The following ATF2 variants were observed in gnomAD, a reference collection of about 807,000 sequenced individuals.
The protein encoded by ATF2 is cyclic AMP-dependent transcription factor ATF-2.
A neutral mutation model predicts 60.6 loss-of-function variants in ATF2; 24 were observed. That is an observed-to-expected ratio of 0.40 (90% confidence interval 0.29 to 0.56). The LOEUF (loss-of-function observed/expected upper bound fraction) is 0.56. Ranked by LOEUF, ATF2 falls within the 20% of genes least tolerant of loss-of-function variation. The pLI, the probability that ATF2 is intolerant of heterozygous loss-of-function variation, is 0.54. For synonymous variants in ATF2, 206 were observed against 215.4 expected (o/e 0.96, Z 0.38); for missense variants, 433 against 607.7 (o/e 0.71, Z 3.02).
chr2:175,077,121 A>G (rs566391860), intron 13 of ATF2, among the ~76,000 whole-genome samples: 11 of 152,140 alleles, frequency 7.2e-5, no homozygotes, highest in Non-Finnish European at 1.5e-4. Flanking sequence ...TACAAAGGAC[A>G]TGAACTCATC....
intron 1 of ATF2, among the ~76,000 whole-genome samples, chr2:175,164,095 T>C (rs1700202962): frequency 1.3e-5 from 2 of 149,530 alleles, no homozygotes; most frequent in Admixed American, 1.3e-4. Flanking sequence ...GGCTCATGCC[T>C]GTAATGCCTT....
chr2:175,105,143 C>T lies in ATF2; in HGVS notation c.828+6425G>A, dbSNP rs545710368. On this transcript the variant is annotated intron_variant, in intron 10 of 13. Transcript: ENST00000264110. ...AGCGTGTTTAAGATTATATTTTAAG[C>T]TCTTTAAAAGCAATCATTACATAAC... Among the ~76,000 whole-genome samples, 44 of 152,232 alleles carry T rather than the reference C, an allele frequency of 2.9e-4. No homozygotes were observed. The South Asian group carries it at 8.7e-3, about 30-fold the overall frequency.
At chr2:175,107,689 C>A (rs1227278492) in intron 10 of ATF2, among the ~76,000 whole-genome samples, 3 of 152,228 alleles carry the variant, frequency 2.0e-5, no homozygotes, top group African/African-American at 7.2e-5. Flanking sequence ...CCACAGCAGG[C>A]CGAGTGCCTG....
intron 3 of ATF2, 23 bp downstream of exon 3, chr2:175,136,389 A>C (rs1698145180): frequency 6.2e-7 from 1 of 1,606,626 alleles, no homozygotes; most frequent in Non-Finnish European, 8.5e-7. Context: ...AATGGCTAAA[A>C]ATACCAAATA....
At chr2:175,146,720 T>A (rs2105799894) in intron 2 of ATF2, among the ~76,000 whole-genome samples, 1 of 152,276 alleles carries the variant, frequency 6.6e-6, no homozygotes, top group East Asian at 1.9e-4. Flanking sequence ...ATCTTCTTGC[T>A]CCATCCCACC....
intron 9 of ATF2, 126 bp downstream of exon 9, chr2:175,113,868 A>G (rs1696371879): frequency 1.2e-6 from 1 of 842,860 alleles, no homozygotes; most frequent in Non-Finnish European, 1.9e-6. Context: ...TAACAAATAA[A>G]TACTATCAAC....
At chr2:175,082,421 A>G (rs1693826901) in intron 12 of ATF2, among the ~76,000 whole-genome samples, 1 of 152,218 alleles carries the variant, frequency 6.6e-6, no homozygotes, top group African/African-American at 2.4e-5. Flanking sequence ...TGCTAATTAT[A>G]GTTCAGTATA....
chr2:175,119,134 AG>A (rs1316390311), intron 5 of ATF2, among the ~76,000 whole-genome samples: 7 of 151,818 alleles, frequency 4.6e-5, no homozygotes, highest in South Asian at 2.1e-4. Flanking sequence ...GTCCATGTAT[AG>A]GCTACAAAAA....
At chr2:175,105,209 G>A (rs148896591) in intron 10 of ATF2, among the ~76,000 whole-genome samples, 210 of 151,926 alleles carry the variant, frequency 1.4e-3, no homozygotes, top group African/African-American at 4.8e-3. Context: ...AAAGCACTAG[G>A]TTTTTAAACT....
At chr2:175,102,525 A>C (rs968498442) in intron 10 of ATF2, among the ~76,000 whole-genome samples, 1 of 152,146 alleles carries the variant, frequency 6.6e-6, no homozygotes, top group African/African-American at 2.4e-5. Context: ...TAATCTCAGC[A>C]CTTTGGGAGG....
intron 7 of ATF2, 139 bp downstream of exon 7, chr2:175,117,851 G>T: frequency 1.1e-6 from 1 of 906,176 alleles, no homozygotes; most frequent in Non-Finnish European, 1.5e-6. Context: ...AAATATCTGA[G>T]TATTGACAGG....
intron 10 of ATF2, among the ~76,000 whole-genome samples, chr2:175,102,509 T>C (rs1145063): frequency 0.1 from 15,580 of 152,208 alleles, 921 homozygotes; most frequent in Middle Eastern, 0.18. Flanking sequence ...TGATGGCTTA[T>C]GCCTGTAATC....
At chr2:175,131,426 T>G (rs1310040972) in intron 3 of ATF2, among the ~76,000 whole-genome samples, 1 of 152,190 alleles carries the variant, frequency 6.6e-6, no homozygotes, top group Non-Finnish European at 1.5e-5. Flanking sequence ...AGGCAGACAC[T>G]GAGAATCACA....
In ATF2 at chr2:175,167,321, T is replaced by TA. The variant is rs746267570; in HGVS notation, c.-143+728dup. ...ACGCTCTGCTGTCCACCCAGAGATT[T>TA]AAAAAAAAAAAAATAAGGGAAAATA... On this transcript the variant is annotated intron_variant, in intron 1 of 13. Coordinates refer to ENST00000264110, the MANE Select transcript of ATF2 (RefSeq NM_001880.4). Among the ~76,000 whole-genome samples, 1,011 of 144,062 alleles carry TA rather than the reference T, an allele frequency of 7.0e-3. 8 individuals carry two copies. Among genetic ancestry groups the TA allele is most frequent in the African/African-American group, 0.019 (731 of 39,350 alleles). 94.5% of individuals were successfully genotyped at this position (144,062 alleles called of 152,430 possible). A position where few individuals can be genotyped will look rare whatever the true frequency, so the allele number is the denominator to read the frequency against.
intron 8 of ATF2, chr2:175,114,448 G>C: frequency 8.0e-7 from 1 of 1,248,936 alleles, no homozygotes; most frequent in Non-Finnish European, 1.0e-6. Context: ...GTGTGAAATA[G>C]CATGAAAATA....
At chr2:175,101,070 A>T (rs1191185353) in intron 10 of ATF2, among the ~76,000 whole-genome samples, 5 of 152,222 alleles carry the variant, frequency 3.3e-5, no homozygotes, top group African/African-American at 1.2e-4. Context: ...AGACCATAAG[A>T]AAAACTGAAT....
At chr2:175,111,779 T>C (rs1028688417) in intron 9 of ATF2, 125 bp from the exon 10 acceptor site, 38 of 795,632 alleles carry the variant, frequency 4.8e-5, no homozygotes, top group Non-Finnish European at 7.0e-5. Context: ...CACCAGCTGA[T>C]TTTATCTCTA....
intron 12 of ATF2, among the ~76,000 whole-genome samples, chr2:175,081,711 G>A (rs1693768045): frequency 6.6e-6 from 1 of 152,162 alleles, no homozygotes; most frequent in Non-Finnish European, 1.5e-5. Flanking sequence ...TAAAAGCTGA[G>A]GCATGACATT....
At position 175,113,994 on chromosome 2, in the gene ATF2, T is replaced by G; in HGVS notation, c.741A>C (p.Pro247=). Residue 247 remains proline (P), a splice_region_variant and synonymous_variant, in exon 9 of 14, where the codon CCA becomes CCC. Coordinates refer to ENST00000264110, the MANE Select transcript of ATF2 (RefSeq NM_001880.4). ...GATTTAAATAGTCTAACTTTCTTAC[T>G]GGGACTGCAGCTGGAACATGCACAT... The part of the protein sequence containing the change: ...SSNVHVPAAV[P]LVRPVTMVPS... 1 of 1,602,112 alleles carries G rather than the reference T, an allele frequency of 6.2e-7. No homozygotes were observed.
Sources: allele counts gnomAD v4.1 joint callset (sites outside exome capture counted in the v4.1 genomes callset), GRCh38; gene constraint gnomAD v4.1.1; transcripts MANE v1.5; gene names NCBI Gene and HGNC (gene_info 2026-07-23, HGNC 2026-07-21).